TUBB4A: variants seen among roughly 807,000 people sequenced by gnomAD.
The protein encoded by TUBB4A is tubulin beta-4A chain.
In TUBB4A, 13 loss-of-function variants were observed where a neutral mutation model predicts 35.1. The observed-to-expected ratio is 0.37, with a 90% CI of 0.24 to 0.59. The LOEUF (loss-of-function observed/expected upper bound fraction) is 0.59, where lower values mean the gene tolerates loss of function less well. TUBB4A is among the 20% of genes least tolerant of loss of function. The pLI is 0.71. For synonymous variants in TUBB4A, 279 were observed against 272.4 expected (o/e 1.02, Z -0.24); for missense variants, 299 against 647.2 (o/e 0.46, Z 5.84).
chr19:6,498,210 CA>C lies in TUBB4A; in HGVS notation c.278-1990del, dbSNP rs33975406. Reference sequence around the variant, plus strand: ...TGGGCGACAGAGTGAGACTTTGTCTCAAAAAAAAAAAAAATGGAATAAAAAA... The same window carrying C: ...TGGGCGACAGAGTGAGACTTTGTCTCAAAAAAAAAAAAATGGAATAAAAAA... On this transcript the variant is annotated intron_variant, in intron 3 of 3. Transcript: ENST00000264071. Among the ~76,000 whole-genome samples, 1,249 of 139,302 alleles carry C rather than the reference CA, an allele frequency of 9.0e-3. 7 individuals carry two copies. Among genetic ancestry groups the C allele is most frequent in the Middle Eastern group, 0.029 (8 of 280 alleles). The allele number at this position is 139,302 out of a possible 152,430, so 91.4% of individuals were successfully genotyped here. A position where few individuals can be genotyped will look rare whatever the true frequency, so the allele number is the denominator to read the frequency against.
rs200757174 is a variant in TUBB4A, at chr19:6,496,064, G to A, written c.435C>T (p.Ser145=). The change falls in exon 4 of 4, where the codon TCC becomes TCT. Residue 145 remains serine, a synonymous_variant. Transcript: ENST00000264071. Reference sequence around the variant, plus strand: ...TACTGATGAGCAGCGTGCCCATTCCGGACCCCGTGCCACCCCCCAGCGAGT... The same window carrying A: ...TACTGATGAGCAGCGTGCCCATTCCAGACCCCGTGCCACCCCCCAGCGAGT... ...LTHSLGGGTG[S]GMGTLLISKI... is the part of the protein sequence containing the mutation. 245 of 1,614,156 alleles carry A rather than the reference G, an allele frequency of 1.5e-4. 4 individuals are homozygous for A. The East Asian group carries it at 5.2e-3, about 34-fold the overall frequency.
intron 3 of TUBB4A, among the ~76,000 whole-genome samples, chr19:6,498,796 G>A (rs116318876): frequency 6.6e-6 from 1 of 152,320 alleles, no homozygotes; most frequent in African/African-American, 2.4e-5. Context: ...AAGACAAACT[G>A]TGTGACCTTG....
chr19:6,501,899 G>A lies in TUBB4A; in HGVS notation c.57+257C>T. 1 of 586,108 alleles carries A rather than the reference G, an allele frequency of 1.7e-6. No homozygotes were observed. Among genetic ancestry groups the A allele is most frequent in the Non-Finnish European group, 3.0e-6 (1 of 332,914 alleles). 36.3% of individuals were successfully genotyped at this position (586,108 alleles called of 1,614,324 possible). A position where few individuals can be genotyped will look rare whatever the true frequency, so the allele number is the denominator to read the frequency against. ...CCGGGGCTCTTTGTGCGTGAGGAGG[G>A]GACAGTGGCCCAGCTGTGGGCCCAG... On this transcript the variant is annotated intron_variant, in intron 1 of 3. Transcript: ENST00000264071. This position sits in a 1 kb window ranked among gnomAD's most constrained non-coding sequence, Gnocchi z 4.2.
At position 6,495,334 on chromosome 19, in the gene TUBB4A, A is replaced by C; in HGVS notation, c.1165T>G (p.Phe389Val). The C allele has an allele frequency of 6.2e-7, 1 of 1,613,762 alleles. No homozygotes were observed. Among genetic ancestry groups the C allele is most frequent in the Non-Finnish European group, 8.5e-7 (1 of 1,179,934 alleles). The stretch of plus-strand genomic sequence containing the variant: ...CAGTGCAAGAAGGCCTTGCGCCGGA[A>C]CATGGCCGTGAACTGCTCGGAGATG... ...KRISEQFTAM[F>V]RRKAFLHWYT... The change falls in exon 4 of 4, where the codon TTC becomes GTC. Residue 389 changes from phenylalanine (F) to valine (V), a missense_variant. By Grantham distance (50) the Phe-to-Val change is conservative. Around this residue, in one of 5 missense-constraint regions of TUBB4A, gnomAD observed 125 missense variants for 279.1 expected, o/e 0.45. Transcript: ENST00000264071. The surrounding 1 kb of genome is among the most constrained non-coding windows in gnomAD (Gnocchi z 8.7).
At position 6,501,810 on chromosome 19, in the gene TUBB4A, C is replaced by T; in HGVS notation, c.58-187G>A. Reference sequence around the variant, plus strand: ...AAGGAGCGGTGGGGGCGGGGTGCAGCCGAGTCAGCACCCAGCGGGGCCGGC... The same window carrying T: ...AAGGAGCGGTGGGGGCGGGGTGCAGTCGAGTCAGCACCCAGCGGGGCCGGC... On this transcript the variant is annotated intron_variant, in intron 1 of 3. Coordinates refer to ENST00000264071, the MANE Select transcript of TUBB4A (RefSeq NM_006087.4). The surrounding 1 kb of genome is among the most constrained non-coding windows in gnomAD (Gnocchi z 4.2). The T allele has an allele frequency of 1.6e-6, 1 of 608,788 alleles. No individual in the cohort carries two copies. The highest frequency in any genetic ancestry group is 1.9e-5 in the African/African-American group (1 of 53,954). The allele number at this position is 608,788 out of a possible 1,614,324, so 37.7% of individuals were successfully genotyped here.
At chr19:6,502,312 TC>T (rs1322078396), upstream of TUBB4A, 1 of 1,325,538 alleles carries the variant, frequency 7.5e-7, no homozygotes, top group East Asian at 3.0e-5. Flanking sequence ...CGGAGCACGG[TC>T]CCTGCGCCCC....
In TUBB4A at chr19:6,494,679, G is replaced by A. The variant is rs1247737569; in HGVS notation, c.*485C>T. On this transcript the variant is annotated 3_prime_UTR_variant, in exon 4 of 4. Coordinates refer to ENST00000264071, the MANE Select transcript of TUBB4A (RefSeq NM_006087.4). ...AAGTTGGAGTCAGAGGGGATTCAGAGATCAAAGAGAAGTTGGGGTCAGAGG... is the reference window on the plus strand; with the variant it reads ...AAGTTGGAGTCAGAGGGGATTCAGAAATCAAAGAGAAGTTGGGGTCAGAGG... 3 of 185,212 alleles carry A rather than the reference G, an allele frequency of 1.6e-5. No homozygotes were observed. Among genetic ancestry groups the A allele is most frequent in the African/African-American group, 7.4e-5 (3 of 40,772 alleles). The allele number at this position is 185,212 out of a possible 1,614,324, so 11.5% of individuals were successfully genotyped here.
intron 3 of TUBB4A, among the ~76,000 whole-genome samples, chr19:6,499,409 CCT>C (rs1399586447): frequency 3.3e-5 from 5 of 152,062 alleles, no homozygotes; most frequent in African/African-American, 7.2e-5. Context: ...CGTCTCTGTG[CCT>C]CTGTTTTCTC....
intron 3 of TUBB4A, chr19:6,496,443 C>G (rs947647309): frequency 6.4e-6 from 3 of 470,172 alleles, no homozygotes; most frequent in African/African-American, 5.9e-5. Flanking sequence ...TCCTGGCTAA[C>G]ACGGTGAAAC....
In TUBB4A at chr19:6,495,942, G is replaced by T; in HGVS notation, c.557C>A (p.Thr186Lys). Reference protein sequence around the residue: ...SDTVVEPYNATLSVHQLVENT... With the variant: ...SDTVVEPYNAKLSVHQLVENT... Reference sequence around the variant, plus strand: ...CTCCACCAGCTGGTGCACAGACAGCGTGGCGTTGTAGGGCTCCACCACCGT... The same window carrying T: ...CTCCACCAGCTGGTGCACAGACAGCTTGGCGTTGTAGGGCTCCACCACCGT... Residue 186 changes from threonine to lysine, a missense_variant, in exon 4 of 4, where the codon ACG becomes AAG. This residue lies in a region of TUBB4A where 51 missense variants were observed against 100.3 expected (regional missense o/e 0.51). Coordinates refer to ENST00000264071, the MANE Select transcript of TUBB4A (RefSeq NM_006087.4). The surrounding 1 kb of genome is among the most constrained non-coding windows in gnomAD (Gnocchi z 8.7). The T allele has an allele frequency of 6.2e-7, 1 of 1,614,208 alleles. No individual in the cohort carries two copies. The highest frequency in any genetic ancestry group is 8.5e-7 in the Non-Finnish European group (1 of 1,180,044).
At chr19:6,496,526 G>A (rs1396790019) in intron 3 of TUBB4A, 1 of 251,776 alleles carries the variant, frequency 4.0e-6, no homozygotes, top group Non-Finnish European at 7.7e-6. Flanking sequence ...AGCTACTCGG[G>A]AGGCTGAGGC....
upstream of TUBB4A, chr19:6,502,452 C>T (rs1419618569): frequency 2.1e-6 from 1 of 487,470 alleles, no homozygotes; most frequent in Non-Finnish European, 3.6e-6. Context: ...ACCTCCCTCC[C>T]CAGGGGGCCT....
chr19:6,497,043 AT>A lies in TUBB4A; in HGVS notation c.278-823del, dbSNP rs1243683127. On this transcript the variant is annotated intron_variant, in intron 3 of 3. Transcript: ENST00000264071. ...AAAAAAAATATATATATATATATAT[AT>A]ATATATATATATATATATATAAATT... is the stretch of plus-strand genomic sequence containing the variant. Among the ~76,000 whole-genome samples the A allele has an allele frequency of 2.9e-4, 19 of 65,098 alleles. 1 individual carries two copies. The highest frequency in any genetic ancestry group is 4.8e-4 in the Non-Finnish European group (16 of 33,186). 42.7% of individuals were successfully genotyped at this position (65,098 alleles called of 152,430 possible).
rs1055486476 is a variant in TUBB4A at position 6,501,901 on chromosome 19, A to T, written c.57+255T>A. 5.1e-6 allele frequency: 3 copies of T among 584,440 alleles called. No individual in the cohort carries two copies. In the African/African-American group the frequency reaches 5.7e-5, roughly 11 times the overall value. 36.2% of individuals were successfully genotyped at this position (584,440 alleles called of 1,614,324 possible). A position where few individuals can be genotyped will look rare whatever the true frequency, so the allele number is the denominator to read the frequency against. On this transcript the variant is annotated intron_variant, in intron 1 of 3. Transcript: ENST00000264071. This position sits in a 1 kb window ranked among gnomAD's most constrained non-coding sequence, Gnocchi z 4.2. ...GGGGCTCTTTGTGCGTGAGGAGGGG[A>T]CAGTGGCCCAGCTGTGGGCCCAGCT...
In TUBB4A at chr19:6,501,806, G is replaced by A. The variant is rs930238434; in HGVS notation, c.58-183C>T. ...CAAGAAGGAGCGGTGGGGGCGGGGT[G>A]CAGCCGAGTCAGCACCCAGCGGGGC... On this transcript the variant is annotated intron_variant, in intron 1 of 3. Coordinates refer to ENST00000264071, the MANE Select transcript of TUBB4A (RefSeq NM_006087.4). This position sits in a 1 kb window ranked among gnomAD's most constrained non-coding sequence, Gnocchi z 4.2. 9 of 612,596 alleles carry A rather than the reference G, an allele frequency of 1.5e-5. No individual in the cohort carries two copies. The African/African-American group carries it at 1.5e-4, about 10-fold the overall frequency. The allele number at this position is 612,596 out of a possible 1,614,324, so 37.9% of individuals were successfully genotyped here.
chr19:6,502,287 A>T lies in TUBB4A; in HGVS notation c.-75T>A. 6.9e-7 allele frequency: 1 copy of T among 1,441,290 alleles called. No homozygotes were observed. The allele number at this position is 1,441,290 out of a possible 1,614,324, so 89.3% of individuals were successfully genotyped here. On this transcript the variant is annotated 5_prime_UTR_variant, in exon 1 of 4. Coordinates refer to ENST00000264071, the MANE Select transcript of TUBB4A (RefSeq NM_006087.4). ...GCTGCGGCGGCGGCGAGGGTGGAAG[A>T]TGCGGCGGAGACGGCGGAGCACGGT...
At chr19:6,496,862 T>TA (rs943091566) in intron 3 of TUBB4A, among the ~76,000 whole-genome samples, 30 of 142,064 alleles carry the variant, frequency 2.1e-4, no homozygotes, top group East Asian at 8.3e-4. Flanking sequence ...GCCCCCTGCC[T>TA]AAAAAAAAAC....
rs1318704034 is a variant in TUBB4A, at chr19:6,495,554, G to T, written c.945C>A (p.Ala315=). The T allele has an allele frequency of 6.2e-7, 1 of 1,614,124 alleles. No individual in the cohort carries two copies. Among genetic ancestry groups the T allele is most frequent in the Non-Finnish European group, 8.5e-7 (1 of 1,179,994 alleles). Residue 315 remains alanine (A), a synonymous_variant, in exon 4 of 4, where the codon GCC becomes GCA. Transcript: ENST00000264071. This position sits in a 1 kb window ranked among gnomAD's most constrained non-coding sequence, Gnocchi z 8.7. ...PRHGRYLTVA[A]VFRGRMSMKE... ...TCATGGACATGCGGCCCCGGAACAC[G>T]GCGGCCACGGTCAGGTAGCGGCCGT...
chr19:6,501,538 T>A lies in TUBB4A; in HGVS notation c.143A>T (p.Asn48Ile). The A allele has an allele frequency of 6.2e-7, 1 of 1,614,126 alleles. No individual in the cohort carries two copies. The highest frequency in any genetic ancestry group is 8.5e-7 in the Non-Finnish European group (1 of 1,179,992). The stretch of plus-strand genomic sequence containing the variant: ...ACCTGTGGCCTCGTTGTAGTACACG[T>A]TGATCCTCTCCAGTTGCAGGTCACT... ...GDSDLQLERINVYYNEATGGN... is the reference protein window; with the variant it reads ...GDSDLQLERIIVYYNEATGGN... Residue 48 changes from asparagine to isoleucine, a missense_variant, in exon 2 of 4, where the codon AAC becomes ATC. Transcript: ENST00000264071. The surrounding 1 kb of genome is among the most constrained non-coding windows in gnomAD (Gnocchi z 4.2).
Sources: gnomAD v4.1 joint callset for allele counts (sites outside exome capture counted in the v4.1 genomes callset) on GRCh38, gnomAD v4.1.1 for gene constraint, gnomAD v4.1.1 regional missense constraint, Gnocchi (gnomAD v3.1) non-coding constraint, MANE v1.5 for transcripts, NCBI Gene and HGNC (gene_info 2026-07-23, HGNC 2026-07-21) for gene names.